The following FHOD3 variants were observed in gnomAD, a reference collection of about 807,000 sequenced individuals.
FHOD3 encodes formin homology 2 domain containing 3, also known as FH1/FH2 domain-containing protein 3.
A neutral mutation model predicts 173.0 loss-of-function variants in FHOD3; 90 were observed. The ratio of observed to expected loss-of-function variants is 0.52; its 90% CI spans 0.44 to 0.62. The LOEUF is 0.62. Among genes scored for constraint, FHOD3 ranks in the 20% least tolerant of loss-of-function variants. FHOD3 has a pLI of 0.00. For synonymous variants in FHOD3, 828 were observed against 823.0 expected, an observed-to-expected ratio of 1.01 and a Z score of -0.10; for missense variants, 1,945 against 2,034.7, an observed-to-expected ratio of 0.96 and a Z score of 0.85.
intron 5 of FHOD3, among the ~76,000 whole-genome samples, chr18:36,533,050 T>G (rs186902651): frequency 1.3e-5 from 2 of 152,182 alleles, no homozygotes; most frequent in African/African-American, 4.8e-5. Context: ...CACTTGGCCC[T>G]CTGCACAATA....
chr18:36,430,496 C>T (rs1175248318), intron 3 of FHOD3, among the ~76,000 whole-genome samples: 1 of 152,152 alleles, frequency 6.6e-6, no homozygotes, highest in Non-Finnish European at 1.5e-5. Context: ...GGATTACAGG[C>T]GTGAGCCACC....
At chr18:36,568,572 T>C (rs965881078) in intron 5 of FHOD3, among the ~76,000 whole-genome samples, 1 of 151,416 alleles carries the variant, frequency 6.6e-6, no homozygotes, top group East Asian at 1.9e-4. Flanking sequence ...ACAAGATAGA[T>C]ACTGCCCAGG....
intron 3 of FHOD3, among the ~76,000 whole-genome samples, chr18:36,381,552 C>T (rs2047788602): frequency 6.6e-6 from 1 of 152,182 alleles, no homozygotes; most frequent in Non-Finnish European, 1.5e-5. Context: ...CTGCGAGTCC[C>T]TGTTCTGGGT....
chr18:36,419,075 T>C (rs1242017456), intron 3 of FHOD3, among the ~76,000 whole-genome samples: 2 of 152,056 alleles, frequency 1.3e-5, no homozygotes, highest in Non-Finnish European at 2.9e-5. Flanking sequence ...GTTAAAATCA[T>C]GGTCTATTAC....
chr18:36,440,534 G>A (rs952857508), intron 3 of FHOD3, among the ~76,000 whole-genome samples: 4 of 152,210 alleles, frequency 2.6e-5, no homozygotes, highest in African/African-American at 7.2e-5. Context: ...GGGCCTCCAC[G>A]GCCCTCCCAC....
intron 3 of FHOD3, among the ~76,000 whole-genome samples, chr18:36,380,567 C>G (rs1411666118): frequency 1.1e-3 from 122 of 108,644 alleles, no homozygotes; most frequent in African/African-American, 4.8e-3. Context: ...CTTTTCTTTT[C>G]TTTTCTTTTC....
chr18:36,447,901 A>T (rs937888499), intron 3 of FHOD3, among the ~76,000 whole-genome samples: 1 of 152,226 alleles, frequency 6.6e-6, no homozygotes, highest in Non-Finnish European at 1.5e-5. Context: ...TGGTTACTTT[A>T]CTTTTCACTG....
intron 4 of FHOD3, among the ~76,000 whole-genome samples, chr18:36,506,980 A>C (rs1345248763): frequency 6.6e-6 from 1 of 152,242 alleles, no homozygotes; most frequent in Non-Finnish European, 1.5e-5. Flanking sequence ...GTAGCCTTTT[A>C]ATCAAAACAC....
intron 9 of FHOD3, among the ~76,000 whole-genome samples, chr18:36,615,160 T>C (rs1358295798): frequency 6.6e-6 from 1 of 152,206 alleles, no homozygotes; most frequent in Non-Finnish European, 1.5e-5. Flanking sequence ...TTGATTTTTT[T>C]ATTGTTGAGT....
Position 36,536,062 on chromosome 18 carries a change from G to A in FHOD3, c.511+23519G>A, listed in dbSNP as rs539260845. Among the ~76,000 whole-genome samples the A allele has an allele frequency of 8.3e-4, 127 of 152,200 alleles. No individual in the cohort carries two copies. The Middle Eastern group carries it at 0.017, about 20-fold the overall frequency. ...AGAAAATAACATTTCACTTAATTGG[G>A]GTCCAAAGTTAGTGTTTTCTGTCAT... is the stretch of plus-strand genomic sequence containing the variant. On this transcript the variant is annotated intron_variant, in intron 5 of 28. Coordinates refer to ENST00000590592, the MANE Select transcript of FHOD3 (RefSeq NM_001281740.3).
At chr18:36,491,031 G>A (rs965905369) in intron 3 of FHOD3, among the ~76,000 whole-genome samples, 2 of 152,126 alleles carry the variant, frequency 1.3e-5, no homozygotes, top group Non-Finnish European at 2.9e-5. Flanking sequence ...ACACTGCCAG[G>A]GGCTGGAGGG....
chr18:36,448,215 G>A (rs776703394), intron 3 of FHOD3, among the ~76,000 whole-genome samples: 4 of 152,076 alleles, frequency 2.6e-5, no homozygotes, highest in Non-Finnish European at 5.9e-5. Context: ...ACTTGTGATA[G>A]GAAGACTCTC....
chr18:36,584,081 G>A (rs971682305), intron 6 of FHOD3, among the ~76,000 whole-genome samples: 1 of 152,120 alleles, frequency 6.6e-6, no homozygotes, highest in African/African-American at 2.4e-5. Context: ...TCCCACCTTG[G>A]CCTCCCAAAG....
At chr18:36,748,382 A>ACACACACAC (rs1555836081) in intron 24 of FHOD3, among the ~76,000 whole-genome samples, 11 of 143,484 alleles carry the variant, frequency 7.7e-5, no homozygotes, top group African/African-American at 2.9e-4. Flanking sequence ...ACACACACAC[A>ACACACACAC]ACACACACAC....
intron 3 of FHOD3, among the ~76,000 whole-genome samples, chr18:36,428,320 T>G (rs1220353750): frequency 6.6e-6 from 1 of 152,206 alleles, no homozygotes; most frequent in Non-Finnish European, 1.5e-5. Flanking sequence ...GTCTGTGTAG[T>G]AAGCGTTAAA....
chr18:36,746,162 C>T (rs1319266471), intron 23 of FHOD3, among the ~76,000 whole-genome samples: 15 of 152,158 alleles, frequency 9.9e-5, no homozygotes, highest in African/African-American at 3.6e-4. Context: ...GCAATCCAGC[C>T]TGTCTGCACG....
intron 3 of FHOD3, among the ~76,000 whole-genome samples, chr18:36,495,023 G>A (rs2054667109): frequency 6.6e-6 from 1 of 152,042 alleles, no homozygotes; most frequent in Admixed American, 6.5e-5. Context: ...GCTCACTGCA[G>A]CCTTGACCTC....
intron 7 of FHOD3, among the ~76,000 whole-genome samples, chr18:36,597,843 C>G (rs1341946545): frequency 1.3e-5 from 2 of 150,392 alleles, no homozygotes; most frequent in African/African-American, 4.9e-5. Context: ...AATGAAAAAA[C>G]TCAGAAATAG....
intron 3 of FHOD3, among the ~76,000 whole-genome samples, chr18:36,413,213 G>T (rs1420556230): frequency 6.6e-6 from 1 of 152,210 alleles, no homozygotes; most frequent in Non-Finnish European, 1.5e-5. Context: ...AAGAAAAGAT[G>T]CCTTGGTGAT....
Sources: gnomAD v4.1 joint callset for allele counts (sites outside exome capture counted in the v4.1 genomes callset) on GRCh38, gnomAD v4.1.1 for gene constraint, MANE v1.5 for transcripts, NCBI Gene and HGNC (gene_info 2026-07-23, HGNC 2026-07-21) for gene names.